Variants in SLMAP observed in about 807,000 individuals in gnomAD.
SLMAP encodes sarcolemma associated protein, also known as sarcolemmal membrane-associated protein.
Under a neutral mutation model 128.8 loss-of-function variants are expected in SLMAP, and 44 were observed. The ratio of observed to expected loss-of-function variants is 0.34; its 90% CI spans 0.27 to 0.44. SLMAP has a LOEUF of 0.44. SLMAP is among the 20% of genes least tolerant of loss of function. The pLI is 1.00. For synonymous variants in SLMAP, 327 were observed against 348.8 expected, an observed-to-expected ratio of 0.94 and a Z score of 0.70; for missense variants, 787 against 985.3, an observed-to-expected ratio of 0.80 and a Z score of 2.69.
chr3:57,779,526 C>T (rs187295633), intron 2 of SLMAP, among the ~76,000 whole-genome samples: 24 of 138,964 alleles, frequency 1.7e-4, no homozygotes, highest in Non-Finnish European at 2.8e-4. Flanking sequence ...AAAAAAAAAA[C>T]AAAAATAAAA....
At chr3:57,925,731 A>C in intron 23 of SLMAP, 114 bp from the exon 24 acceptor site, 1 of 698,206 alleles carries the variant, frequency 1.4e-6, no homozygotes, top group Non-Finnish European at 2.5e-6. Flanking sequence ...CCTGAGTGGT[A>C]TACTTCTATT....
intron 6 of SLMAP, among the ~76,000 whole-genome samples, chr3:57,851,168 A>G (rs1009775818): frequency 2.0e-5 from 3 of 152,210 alleles, no homozygotes; most frequent in Non-Finnish European, 2.9e-5. Context: ...CATATCAAGT[A>G]TATGGTAGAG....
intron 2 of SLMAP, among the ~76,000 whole-genome samples, chr3:57,822,612 C>G (rs953538115): frequency 2.0e-5 from 3 of 152,188 alleles, no homozygotes; most frequent in African/African-American, 7.2e-5. Flanking sequence ...TCTCCCATCC[C>G]TCAATCCTGT....
rs530988902 is a variant in SLMAP at position 57,889,120 on chromosome 3, G to A, written c.1301-921G>A. On this transcript the variant is annotated intron_variant, in intron 14 of 24. Transcript: ENST00000671191. ...AGGATGGTCTCTGTCTCCTGACCTC[G>A]TGATCCACCCGCCTTGGCCTCCCAA... 4.6e-5 allele frequency among the ~76,000 whole-genome samples: 7 copies of A among 152,232 alleles called. No homozygotes were observed. The East Asian group carries it at 5.8e-4, about 13-fold the overall frequency.
intron 2 of SLMAP, among the ~76,000 whole-genome samples, chr3:57,762,424 C>T (rs1244822556): frequency 1.3e-5 from 2 of 151,408 alleles, no homozygotes; most frequent in South Asian, 2.1e-4. Flanking sequence ...TATGATTATT[C>T]AAATGATACA....
At chr3:57,794,596 C>T (rs1009555742) in intron 2 of SLMAP, among the ~76,000 whole-genome samples, 1 of 152,182 alleles carries the variant, frequency 6.6e-6, no homozygotes, top group Non-Finnish European at 1.5e-5. Flanking sequence ...CCCCCATTTT[C>T]TCCTCCCTTC....
At chr3:57,909,608 C>CTTTA (rs2096646085) in intron 19 of SLMAP, among the ~76,000 whole-genome samples, 1 of 151,370 alleles carries the variant, frequency 6.6e-6, no homozygotes, top group African/African-American at 2.4e-5. Context: ...CTTGGTGGAG[C>CTTTA]TTTATTTATT....
chr3:57,844,203 G>A (rs575179013), intron 4 of SLMAP, among the ~76,000 whole-genome samples: 1 of 152,082 alleles, frequency 6.6e-6, no homozygotes, highest in African/African-American at 2.4e-5. Context: ...GACTAGCCTG[G>A]GCAACAGGGC....
At chr3:57,899,371 T>G (rs747053601) in intron 17 of SLMAP, 2 of 152,204 alleles carry the variant, frequency 1.3e-5, no homozygotes, top group Non-Finnish European at 2.9e-5. Context: ...TAGTAATTGC[T>G]TCAGGTGCCA....
intron 6 of SLMAP, among the ~76,000 whole-genome samples, chr3:57,854,008 TAATATATA>T (rs2094637757): frequency 9.3e-6 from 1 of 107,820 alleles, no homozygotes; most frequent in Non-Finnish European, 1.9e-5. Flanking sequence ...TATTTACATA[TAATATATA>T]TTATATATAA....
intron 2 of SLMAP, among the ~76,000 whole-genome samples, chr3:57,765,240 A>T (rs1261582310): frequency 1.3e-5 from 2 of 152,232 alleles, no homozygotes; most frequent in African/African-American, 4.8e-5. Context: ...AAAAACAAAA[A>T]GTTCAAAAAC....
At chr3:57,761,721 A>G (rs1009499241) in intron 2 of SLMAP, among the ~76,000 whole-genome samples, 1 of 152,104 alleles carries the variant, frequency 6.6e-6, no homozygotes, top group Admixed American at 6.6e-5. Context: ...TGACTGTTGC[A>G]TTCTGCATTG....
intron 17 of SLMAP, chr3:57,897,155 T>C (rs2096263655): frequency 1.6e-6 from 2 of 1,263,578 alleles, no homozygotes; most frequent in East Asian, 5.8e-5. Flanking sequence ...AGGGACAAAG[T>C]GTTAAGTGGT....
Position 57,862,086 on chromosome 3 carries a change from G to A in SLMAP, c.966G>A (p.Lys322=). 1.3e-6 allele frequency: 2 copies of A among 1,569,302 alleles called. No individual in the cohort carries two copies. The highest frequency in any genetic ancestry group is 1.7e-5 in the Admixed American group (1 of 59,370). The change falls in exon 10 of 25, where the codon AAG becomes AAA. Residue 322 remains lysine (K), a splice_region_variant and synonymous_variant. Coordinates refer to ENST00000671191, the MANE Select transcript of SLMAP (RefSeq NM_001377540.1). ...TTAAAGATTTATCTGATAAATTAAAGGTATGTATTTACTCTGCCTGAAAGT... is the reference window on the plus strand; with the variant it reads ...TTAAAGATTTATCTGATAAATTAAAAGTATGTATTTACTCTGCCTGAAAGT... ...NEIKDLSDKL[K]VAEGKQEEIQ... is the part of the protein sequence containing the mutation.
At chr3:57,868,302 T>C (rs75684239) in intron 13 of SLMAP, among the ~76,000 whole-genome samples, 5,652 of 151,956 alleles carry the variant, frequency 0.037, 368 homozygotes, top group African/African-American at 0.13. Flanking sequence ...ATACATAATT[T>C]TAAATTTTCT....
At position 57,917,014 on chromosome 3, in the gene SLMAP, T is replaced by C; in HGVS notation, c.2247T>C (p.Asp749=). The C allele has an allele frequency of 6.2e-7, 1 of 1,613,956 alleles. No homozygotes were observed. Among genetic ancestry groups the C allele is most frequent in the Non-Finnish European group, 8.5e-7 (1 of 1,179,920 alleles). ...CCTTGAAAGAACAGCATCTTCGGGA[T>C]TCAGCTGATTTAAAAACTCTTCTCA... ...VGSLKEQHLR[D]SADLKTLLSK... Residue 749 remains aspartate, a synonymous_variant, in exon 22 of 25, where the codon GAT becomes GAC. Transcript: ENST00000671191.
chr3:57,799,639 A>G (rs2153489410), intron 2 of SLMAP, among the ~76,000 whole-genome samples: 1 of 152,240 alleles, frequency 6.6e-6, no homozygotes, highest in Admixed American at 6.5e-5. Context: ...TTAATATATA[A>G]GAGGCTGATA....
At chr3:57,764,523 G>GA (rs1457422388) in intron 2 of SLMAP, among the ~76,000 whole-genome samples, 94 of 149,420 alleles carry the variant, frequency 6.3e-4, no homozygotes, top group African/African-American at 1.9e-3. Context: ...GAAAAGAAAA[G>GA]AAAGAAAGAG....
chr3:57,804,131 G>T (rs2089266204), intron 2 of SLMAP, among the ~76,000 whole-genome samples: 1 of 152,188 alleles, frequency 6.6e-6, no homozygotes, highest in South Asian at 2.1e-4. Flanking sequence ...CCAAAAGCAA[G>T]AACAGAAATT....
Sources: allele counts gnomAD v4.1 joint callset (sites outside exome capture counted in the v4.1 genomes callset), GRCh38; gene constraint gnomAD v4.1.1; transcripts MANE v1.5; gene names NCBI Gene and HGNC (gene_info 2026-07-23, HGNC 2026-07-21).